The following MAP1B variants were observed in gnomAD, a reference collection of about 807,000 sequenced individuals.
MAP1B encodes microtubule-associated protein 1B.
MAP1B carries 12 observed loss-of-function variants against 176.1 expected under a neutral mutation model. That is an observed-to-expected ratio of 0.07 (90% CI 0.04 to 0.11). The LOEUF (loss-of-function observed/expected upper bound fraction) is 0.11. Ranked by LOEUF, MAP1B falls within the 10% of genes least tolerant of loss-of-function variation. The pLI is 1.00. For missense variants in MAP1B, 2,523 were observed against 2,990.5 expected, an observed-to-expected ratio of 0.84 and a Z score of 3.65; for synonymous variants, 1,044 against 1,135.0, an observed-to-expected ratio of 0.92 and a Z score of 1.61.
At position 72,115,698 on chromosome 5, in the gene MAP1B, G is replaced by C. The variant is rs546117330; in HGVS notation, c.185G>C (p.Gly62Ala). 6.3e-7 allele frequency: 1 copy of C among 1,591,302 alleles called. No individual in the cohort carries two copies. The highest frequency in any genetic ancestry group is 1.3e-5 in the African/African-American group (1 of 74,588). Reference protein sequence around the residue: ...LRRAIGNIELGIRSWDTNLIE... With the variant: ...LRRAIGNIELAIRSWDTNLIE... The stretch of plus-strand genomic sequence containing the variant: ...CAACTGTCTTTCTTTCCCTCCCTAG[G>C]AATCCGATCATGGGACACAAACCTG... The change falls in exon 2 of 7, where the codon GGA becomes GCA. Residue 62 changes from glycine to alanine, a missense_variant and splice_region_variant. Coordinates refer to ENST00000296755, the MANE Select transcript of MAP1B (RefSeq NM_005909.5).
At chr5:72,126,761 G>T (rs935489650) in intron 2 of MAP1B, among the ~76,000 whole-genome samples, 6 of 152,212 alleles carry the variant, frequency 3.9e-5, no homozygotes, top group African/African-American at 1.4e-4. Context: ...TCCCATCCAT[G>T]AGTATTCTTA....
chr5:72,181,021 C>CTCTTCTGTAGACTCAT (rs1427759534), intron 2 of MAP1B, among the ~76,000 whole-genome samples: 1 of 152,200 alleles, frequency 6.6e-6, no homozygotes, highest in Admixed American at 6.5e-5. Context: ...CAGGTTAATT[C>CTCTTCTGTAGACTCAT]TCTTCTGTAG....
rs1236771693 is a variant in MAP1B at position 72,160,684 on chromosome 5, TC to T, written c.287-23058del. Among the ~76,000 whole-genome samples, 4 of 152,214 alleles carry T rather than the reference TC, an allele frequency of 2.6e-5. No individual in the cohort carries two copies. In the East Asian group the frequency reaches 7.7e-4, roughly 29 times the overall value. On this transcript the variant is annotated intron_variant, in intron 2 of 6. Coordinates refer to ENST00000296755, the MANE Select transcript of MAP1B (RefSeq NM_005909.5). ...TATAGGCAACATCAAAGAAGACTAA[TC>T]TTTGATTAGTCTTTGAAATCTCCTA... is the stretch of plus-strand genomic sequence containing the variant.
chr5:72,191,118 C>T (rs1747016620), intron 4 of MAP1B, among the ~76,000 whole-genome samples: 1 of 152,240 alleles, frequency 6.6e-6, no homozygotes, highest in African/African-American at 2.4e-5. Context: ...AGGAAGATAA[C>T]ATGTGTTGAA....
At chr5:72,116,410 C>A (rs556496736) in intron 2 of MAP1B, 398 of 412,546 alleles carry the variant, frequency 9.6e-4, no homozygotes, top group Non-Finnish European at 1.2e-3. Flanking sequence ...GTTAAAATAG[C>A]CTTTTTTTCA....
chr5:72,192,160 C>T (rs1747038079), intron 4 of MAP1B, among the ~76,000 whole-genome samples: 1 of 152,180 alleles, frequency 6.6e-6, no homozygotes. Flanking sequence ...TTTGCATGTG[C>T]TTTGTGTGAA....
At chr5:72,146,308 G>A (rs1165518345) in intron 2 of MAP1B, among the ~76,000 whole-genome samples, 1 of 152,114 alleles carries the variant, frequency 6.6e-6, no homozygotes, top group African/African-American at 2.4e-5. Context: ...ATAATGTCAG[G>A]CAGGCCACCT....
At chr5:72,109,805 T>C (rs1039051598) in intron 1 of MAP1B, among the ~76,000 whole-genome samples, 6 of 152,244 alleles carry the variant, frequency 3.9e-5, no homozygotes, top group African/African-American at 1.4e-4. Flanking sequence ...GGGCTTGCCT[T>C]TGTATGGCCA....
intron 2 of MAP1B, among the ~76,000 whole-genome samples, chr5:72,152,462 T>C (rs938459935): frequency 6.6e-6 from 1 of 152,162 alleles, no homozygotes; most frequent in East Asian, 1.9e-4. Flanking sequence ...TATTTTATTT[T>C]ATTAGACAGA....
rs776819402 is a variant in MAP1B at position 72,194,999 on chromosome 5, C to T, written c.1644C>T (p.Ala548=). The change falls in exon 5 of 7, where the codon GCC becomes GCT. Residue 548 remains alanine (A), a synonymous_variant. Coordinates refer to ENST00000296755, the MANE Select transcript of MAP1B (RefSeq NM_005909.5). This position sits in a 1 kb window ranked among gnomAD's most constrained non-coding sequence, Gnocchi z 7.2. ...ATAGCCGAGAAAGTCTGAAGCCAGC[C>T]GCAAAACCACTTCCTAGCAAATCCG... is the stretch of plus-strand genomic sequence containing the variant. ...RADSRESLKP[A]AKPLPSKSVR... is the part of the protein sequence containing the mutation. 1.7e-5 allele frequency: 28 copies of T among 1,613,750 alleles called. No homozygotes were observed. Among genetic ancestry groups the T allele is most frequent in the South Asian group, 6.6e-5 (6 of 91,054 alleles).
At position 72,195,223 on chromosome 5, in the gene MAP1B, A is replaced by G; in HGVS notation, c.1868A>G (p.Lys623Arg). 6.2e-7 allele frequency: 1 copy of G among 1,613,938 alleles called. No homozygotes were observed. ...PSPVKAEVAEKQATDVKPKAA... is the reference protein window; with the variant it reads ...PSPVKAEVAERQATDVKPKAA... ...CCAGTGAAAGCCGAGGTGGCTGAGA[A>G]GCAAGCCACAGATGTCAAACCCAAA... Residue 623 changes from lysine (K) to arginine (R), a missense_variant, in exon 5 of 7, where the codon AAG becomes AGG. Physicochemically the swap from Lys to Arg is conservative, Grantham distance 26. Around this residue, in one of 4 missense-constraint regions of MAP1B, gnomAD observed 1,925 missense variants for 2,126.0 expected, o/e 0.91. Coordinates refer to ENST00000296755, the MANE Select transcript of MAP1B (RefSeq NM_005909.5).
In MAP1B at chr5:72,180,143, A is replaced by G. The variant is rs1311616074; in HGVS notation, c.287-3600A>G. On this transcript the variant is annotated intron_variant, in intron 2 of 6. Coordinates refer to ENST00000296755, the MANE Select transcript of MAP1B (RefSeq NM_005909.5). ...TAGCGGGCTCAGGGCGTTGTGTAGG[A>G]TCACTTCAGAAAGAAAGAGGCTGGG... is the stretch of plus-strand genomic sequence containing the variant. 2.6e-5 allele frequency among the ~76,000 whole-genome samples: 4 copies of G among 152,060 alleles called. No homozygotes were observed. In the East Asian group the frequency reaches 7.7e-4, roughly 29 times the overall value.
At chr5:72,147,230 A>G (rs1056448838) in intron 2 of MAP1B, among the ~76,000 whole-genome samples, 3 of 152,008 alleles carry the variant, frequency 2.0e-5, no homozygotes, top group East Asian at 1.9e-4. Context: ...CGGCCTCCCA[A>G]AGTGCTGGGA....
chr5:72,137,388 G>A (rs1745857280), intron 2 of MAP1B, among the ~76,000 whole-genome samples: 1 of 152,138 alleles, frequency 6.6e-6, no homozygotes, highest in Non-Finnish European at 1.5e-5. Context: ...ATTGTTTTAT[G>A]TAAGCCACAA....
intron 2 of MAP1B, among the ~76,000 whole-genome samples, chr5:72,152,981 A>T (rs1746169920): frequency 6.6e-6 from 1 of 152,172 alleles, no homozygotes; most frequent in Non-Finnish European, 1.5e-5. Flanking sequence ...AGGCTGACTG[A>T]AGTCTGAGAA....
At chr5:72,165,158 C>G (rs1457017442) in intron 2 of MAP1B, among the ~76,000 whole-genome samples, 1 of 152,110 alleles carries the variant, frequency 6.6e-6, no homozygotes, top group African/African-American at 2.4e-5. Flanking sequence ...CTTTCTTGGT[C>G]CCCTGGTCAA....
At chr5:72,189,937 T>C (rs1348342660) in intron 4 of MAP1B, among the ~76,000 whole-genome samples, 1 of 151,804 alleles carries the variant, frequency 6.6e-6, no homozygotes, top group African/African-American at 2.4e-5. Context: ...TGACCTAGAG[T>C]GAGAAACATT....
intron 2 of MAP1B, among the ~76,000 whole-genome samples, chr5:72,124,932 C>T (rs1745599640): frequency 6.6e-6 from 1 of 152,176 alleles, no homozygotes; most frequent in Non-Finnish European, 1.5e-5. Flanking sequence ...GGGAATGTCA[C>T]ATTTGGAGAA....
At chr5:72,176,760 C>T (rs773488566) in intron 2 of MAP1B, among the ~76,000 whole-genome samples, 3 of 152,214 alleles carry the variant, frequency 2.0e-5, no homozygotes, top group Non-Finnish European at 2.9e-5. Flanking sequence ...AACCAGCACG[C>T]ACATTGAATT....
Sources: gnomAD v4.1 joint callset for allele counts (sites outside exome capture counted in the v4.1 genomes callset) on GRCh38, gnomAD v4.1.1 for gene constraint, gnomAD v4.1.1 regional missense constraint, Gnocchi (gnomAD v3.1) non-coding constraint, MANE v1.5 for transcripts, NCBI Gene and HGNC (gene_info 2026-07-23, HGNC 2026-07-21) for gene names.